Variants in NF1 observed in about 807,000 individuals in gnomAD.
NF1 encodes the protein neurofibromin.
Under a neutral mutation model 325.7 loss-of-function variants are expected in NF1, and 122 were observed. That is an observed-to-expected ratio of 0.37 (90% confidence interval 0.32 to 0.44). NF1 has a LOEUF of 0.44. Ranked by LOEUF, NF1 falls within the 20% of genes least tolerant of loss-of-function variation. NF1 has a pLI of 1.00. For synonymous variants in NF1, 1,091 were observed against 1,186.0 expected (o/e 0.92, Z 1.65); for missense variants, 2,140 against 3,415.4 (o/e 0.63, Z 9.31).
intron 8 of NF1, among the ~76,000 whole-genome samples, chr17:31,189,758 AT>A (rs1007309645): frequency 0.12 from 14,608 of 118,518 alleles, 486 homozygotes; most frequent in African/African-American, 0.18. Flanking sequence ...AAAGAAAAGT[AT>A]TTTTTTTTTT....
intron 1 of NF1, among the ~76,000 whole-genome samples, chr17:31,136,034 T>C (rs1406250556): frequency 6.6e-6 from 1 of 152,000 alleles, no homozygotes; most frequent in Non-Finnish European, 1.5e-5. Context: ...TACTTTCCTT[T>C]CTTTGAAAAT....
At chr17:31,202,403 C>T (rs1355637288) in intron 11 of NF1, among the ~76,000 whole-genome samples, 1 of 152,106 alleles carries the variant, frequency 6.6e-6, no homozygotes, top group African/African-American at 2.4e-5. Context: ...CTCATTTGCC[C>T]TGGATGTTGT....
intron 57 of NF1, among the ~76,000 whole-genome samples, chr17:31,371,747 G>A (rs187758354): frequency 1.3e-4 from 20 of 152,336 alleles, no homozygotes; most frequent in Non-Finnish European, 2.2e-4. Flanking sequence ...TCACCTCCTG[G>A]AGAAATGTCG....
At chr17:31,214,411 G>A (rs2143957851) in intron 12 of NF1, 40 bp from the exon 13 acceptor site, 1 of 1,506,272 alleles carries the variant, frequency 6.6e-7, no homozygotes, top group Non-Finnish European at 9.2e-7. Context: ...CTATTATCCT[G>A]AGTCTTATGT....
Position 31,195,767 on chromosome 17 carries a change from T to C in NF1, c.889-4655T>C, listed in dbSNP as rs1401035078. Among the ~76,000 whole-genome samples the C allele has an allele frequency of 2.6e-5, 4 of 152,186 alleles. No individual in the cohort carries two copies. The East Asian group carries it at 5.8e-4, about 22-fold the overall frequency. On this transcript the variant is annotated intron_variant, in intron 8 of 57. Coordinates refer to ENST00000358273, the MANE Select transcript of NF1 (RefSeq NM_001042492.3). ...TTGTAGCATGTCAGGATTTCCTTCC[T>C]CTTTAAGGCTGAGTGATATATTCCA...
intron 5 of NF1, among the ~76,000 whole-genome samples, chr17:31,172,861 G>T: frequency 6.6e-6 from 1 of 152,120 alleles, no homozygotes; most frequent in Non-Finnish European, 1.5e-5. Flanking sequence ...AGGATGGCTT[G>T]GTAGAGGGTT....
Position 31,352,431 on chromosome 17 carries a change from T to A in NF1, c.7615+17T>A. On this transcript the variant is annotated intron_variant, in intron 51 of 57. Coordinates refer to ENST00000358273, the MANE Select transcript of NF1 (RefSeq NM_001042492.3). ...AGTTGCTTGGTTAGTTTATCTAAATTATGTAGATTTTTTTTATTATTTAAA... is the reference window on the plus strand; with the variant it reads ...AGTTGCTTGGTTAGTTTATCTAAATAATGTAGATTTTTTTTATTATTTAAA... 1 of 1,554,678 alleles carries A rather than the reference T, an allele frequency of 6.4e-7. No individual in the cohort carries two copies. Among genetic ancestry groups the A allele is most frequent in the Non-Finnish European group, 8.7e-7 (1 of 1,153,552 alleles).
intron 1 of NF1, chr17:31,137,860 T>G (rs1368861991): frequency 6.6e-6 from 1 of 152,208 alleles, no homozygotes. Context: ...TCTCAGAATT[T>G]GGAAAGAATT....
chr17:31,125,844 AT>A (rs1914838352), intron 1 of NF1, among the ~76,000 whole-genome samples: 1 of 152,124 alleles, frequency 6.6e-6, no homozygotes. Flanking sequence ...CCACCAAATT[AT>A]TTTTTAAAGT....
intron 57 of NF1, 120 bp downstream of exon 57, chr17:31,360,823 A>G (rs2070380454): frequency 2.4e-6 from 2 of 849,616 alleles, no homozygotes; most frequent in African/African-American, 3.3e-5. Flanking sequence ...TTCACCTTAC[A>G]TTTCTTCTTT....
intron 42 of NF1, 73 bp from the exon 43 acceptor site, chr17:31,337,295 A>T: frequency 7.8e-7 from 1 of 1,275,882 alleles, no homozygotes; most frequent in South Asian, 1.3e-5. Flanking sequence ...TCTAAATTCA[A>T]AATGAAACAT....
chr17:31,304,056 A>C (rs1020524065), intron 36 of NF1: 2 of 469,522 alleles, frequency 4.3e-6, no homozygotes, highest in Non-Finnish European at 7.5e-6. Flanking sequence ...CTTTAAAGAT[A>C]GGTACTATAA....
At chr17:31,230,054 G>A (rs2151431072) in intron 22 of NF1, 80 bp downstream of exon 22, 1 of 1,558,640 alleles carries the variant, frequency 6.4e-7, no homozygotes, top group Non-Finnish European at 8.8e-7. Flanking sequence ...GGTAGTAATT[G>A]ATAAAATAAC....
At chr17:31,347,040 C>G (rs796185356) in intron 48 of NF1, among the ~76,000 whole-genome samples, 6 of 151,406 alleles carry the variant, frequency 4.0e-5, no homozygotes, top group Non-Finnish European at 5.9e-5. Flanking sequence ...AAAAAAACCC[C>G]TGAAAGTCTT....
intron 1 of NF1, among the ~76,000 whole-genome samples, chr17:31,131,423 G>A (rs775118413): frequency 1.1e-4 from 17 of 152,198 alleles, no homozygotes; most frequent in Non-Finnish European, 2.4e-4. Flanking sequence ...AAGTCCCGGT[G>A]CGTGGTAGCC....
intron 57 of NF1, chr17:31,360,968 G>T (rs1194800358): frequency 6.0e-6 from 3 of 496,958 alleles, no homozygotes; most frequent in Non-Finnish European, 1.1e-5. Context: ...TGGGCAGGAA[G>T]AGGAACTTAA....
chr17:31,265,344 G>C lies in NF1; in HGVS notation c.4835+5G>C, dbSNP rs786201306. The C allele has an allele frequency of 1.6e-5, 25 of 1,592,160 alleles. No individual in the cohort carries two copies. The highest frequency in any genetic ancestry group is 2.1e-5 in the Non-Finnish European group (24 of 1,160,672). ...TTTTTATTATGTTGCACGGAGGTAAGAAATACTATGTTTTGGGTCTCTTAA... is the reference window on the plus strand; with the variant it reads ...TTTTTATTATGTTGCACGGAGGTAACAAATACTATGTTTTGGGTCTCTTAA... On this transcript the variant is annotated splice_donor_5th_base_variant and intron_variant, in intron 36 of 57. Transcript: ENST00000358273.
chr17:31,155,257 T>C (rs1419961850), intron 1 of NF1, among the ~76,000 whole-genome samples: 1 of 152,236 alleles, frequency 6.6e-6, no homozygotes, highest in Admixed American at 6.5e-5. Flanking sequence ...TACAGAATGC[T>C]ATTTTTGAGC....
At chr17:31,204,273 C>G (rs1177210095) in intron 11 of NF1, among the ~76,000 whole-genome samples, 1 of 152,038 alleles carries the variant, frequency 6.6e-6, no homozygotes, top group Non-Finnish European at 1.5e-5. Flanking sequence ...AGTTCACATA[C>G]TGAAAATGAG....
Sources: allele counts gnomAD v4.1 joint callset (sites outside exome capture counted in the v4.1 genomes callset), GRCh38; gene constraint gnomAD v4.1.1; transcripts MANE v1.5; gene names NCBI Gene and HGNC (gene_info 2026-07-23, HGNC 2026-07-21).